The following KCNQ5 variants were observed in gnomAD, a reference collection of about 807,000 sequenced individuals.
KCNQ5 encodes potassium voltage-gated channel subfamily KQT member 5.
Under a neutral mutation model 98.2 loss-of-function variants are expected in KCNQ5, and 30 were observed. The observed-to-expected ratio is 0.31, with a 90% CI of 0.23 to 0.41. The LOEUF is 0.41. Ranked by LOEUF, KCNQ5 falls within the 10% of genes least tolerant of loss-of-function variation. KCNQ5 has a pLI of 1.00. For synonymous variants in KCNQ5, 458 were observed against 449.4 expected, an observed-to-expected ratio of 1.02 and a Z score of -0.24; for missense variants, 835 against 1,182.5, an observed-to-expected ratio of 0.71 and a Z score of 4.31.
intron 1 of KCNQ5, among the ~76,000 whole-genome samples, chr6:72,699,433 G>A (rs370565296): frequency 7.9e-5 from 12 of 152,122 alleles, no homozygotes; most frequent in African/African-American, 2.9e-4. Flanking sequence ...TTTTTTATTT[G>A]TATCAGCTGA....
chr6:72,772,358 A>G (rs1380211755), intron 1 of KCNQ5, among the ~76,000 whole-genome samples: 1 of 152,160 alleles, frequency 6.6e-6, no homozygotes, highest in Non-Finnish European at 1.5e-5. Context: ...CTAATTGTTG[A>G]AAAGAATGAT....
At chr6:72,668,592 G>A (rs893847581) in intron 1 of KCNQ5, among the ~76,000 whole-genome samples, 1 of 151,972 alleles carries the variant, frequency 6.6e-6, no homozygotes. Flanking sequence ...TTCATTAGTA[G>A]ATGTCTTGGT....
At chr6:73,040,030 A>G (rs1355153568) in intron 2 of KCNQ5, among the ~76,000 whole-genome samples, 1 of 152,022 alleles carries the variant, frequency 6.6e-6, no homozygotes, top group Non-Finnish European at 1.5e-5. Context: ...CCTTCTTAAA[A>G]AAAAAAGCAG....
intron 1 of KCNQ5, among the ~76,000 whole-genome samples, chr6:72,781,788 C>CT (rs1477172849): frequency 6.6e-6 from 1 of 151,874 alleles, no homozygotes; most frequent in African/African-American, 2.4e-5. Flanking sequence ...TTCAACTTGA[C>CT]TTTTGTACTG....
chr6:73,101,334 C>T (rs1275049948), intron 5 of KCNQ5, among the ~76,000 whole-genome samples: 1 of 151,612 alleles, frequency 6.6e-6, no homozygotes, highest in African/African-American at 2.4e-5. Context: ...ATGGTTCCTC[C>T]TATATTTAGA....
intron 3 of KCNQ5, among the ~76,000 whole-genome samples, chr6:73,076,891 T>A (rs1254356619): frequency 1.3e-5 from 2 of 152,172 alleles, no homozygotes; most frequent in East Asian, 1.9e-4. Context: ...CATGCCTCTG[T>A]CACATCACCC....
chr6:73,099,565 G>A (rs1774673024), intron 5 of KCNQ5, among the ~76,000 whole-genome samples: 1 of 151,924 alleles, frequency 6.6e-6, no homozygotes, highest in Non-Finnish European at 1.5e-5. Context: ...CAAGACAAAA[G>A]CTATCAAAAG....
Position 72,987,061 on chromosome 6 carries a change from G to C in KCNQ5, c.399-16847G>C, listed in dbSNP as rs9446805. On this transcript the variant is annotated intron_variant, in intron 1 of 13. Coordinates refer to ENST00000370398, the MANE Select transcript of KCNQ5 (RefSeq NM_019842.4). ...TCCAAGCCCTTCAGGTCCATGGAGAGCAGCCCTAGGAAAGGAAGTAAAACG... is the reference window on the plus strand; with the variant it reads ...TCCAAGCCCTTCAGGTCCATGGAGACCAGCCCTAGGAAAGGAAGTAAAACG... 11,795 of 714,326 alleles carry C rather than the reference G, an allele frequency of 0.017. 1,016 individuals carry two copies. In the African/African-American group the frequency reaches 0.19, roughly 11 times the overall value. 44.2% of individuals were successfully genotyped at this position (714,326 alleles called of 1,614,324 possible).
At chr6:73,093,958 G>T (rs1258584332) in intron 5 of KCNQ5, among the ~76,000 whole-genome samples, 3 of 152,070 alleles carry the variant, frequency 2.0e-5, no homozygotes, top group Non-Finnish European at 4.4e-5. Context: ...TTGTTTCATT[G>T]TTGACCTTCA....
At chr6:73,026,566 T>A (rs952064436) in intron 2 of KCNQ5, among the ~76,000 whole-genome samples, 6 of 152,196 alleles carry the variant, frequency 3.9e-5, no homozygotes, top group African/African-American at 1.4e-4. Context: ...TATCTTCCAA[T>A]GCTCTATCTT....
In KCNQ5 at chr6:72,919,133, C is replaced by T. The variant is rs926504918; in HGVS notation, c.399-84775C>T. ...TGGCTTTTTCCCAAAATGACTTGAT[C>T]GTTCATGGCCAACCAATGGACGAGG... On this transcript the variant is annotated intron_variant, in intron 1 of 13. Transcript: ENST00000370398. 5.3e-5 allele frequency among the ~76,000 whole-genome samples: 8 copies of T among 152,132 alleles called. No individual in the cohort carries two copies. In the South Asian group the frequency reaches 6.2e-4, roughly 12 times the overall value.
chr6:73,072,779 A>G (rs986248495), intron 3 of KCNQ5, among the ~76,000 whole-genome samples: 1 of 152,152 alleles, frequency 6.6e-6, no homozygotes, highest in South Asian at 2.1e-4. Context: ...TTGTAAACCT[A>G]TATTTCACAT....
At chr6:72,665,336 C>A (rs115295074) in intron 1 of KCNQ5, among the ~76,000 whole-genome samples, 1,930 of 108,874 alleles carry the variant, frequency 0.018, 32 homozygotes, top group African/African-American at 0.047. Context: ...AGAGTAATAC[C>A]CTGTCAAAAA....
At chr6:72,631,294 A>G (rs977118582) in intron 1 of KCNQ5, among the ~76,000 whole-genome samples, 6 of 152,240 alleles carry the variant, frequency 3.9e-5, no homozygotes, top group Admixed American at 3.9e-4. Context: ...TTTAAAAGAC[A>G]TAAAATACAG....
chr6:72,646,195 C>T (rs754443533), intron 1 of KCNQ5, among the ~76,000 whole-genome samples: 86 of 152,214 alleles, frequency 5.6e-4, no homozygotes, highest in Non-Finnish European at 1.1e-3. Context: ...CATCATACTA[C>T]ATCTTCTCAA....
At chr6:73,072,683 T>A (rs1484356547) in intron 3 of KCNQ5, among the ~76,000 whole-genome samples, 1 of 152,224 alleles carries the variant, frequency 6.6e-6, no homozygotes, top group African/African-American at 2.4e-5. Flanking sequence ...TTTGTTCAAA[T>A]CTTTGCAGTC....
chr6:73,089,735 T>C (rs918056580), intron 5 of KCNQ5, among the ~76,000 whole-genome samples: 2 of 151,876 alleles, frequency 1.3e-5, no homozygotes, highest in Non-Finnish European at 2.9e-5. Flanking sequence ...GCAAATGCCA[T>C]TAATTCATTC....
chr6:73,041,703 G>A (rs572879449), intron 2 of KCNQ5, among the ~76,000 whole-genome samples: 135 of 152,086 alleles, frequency 8.9e-4, no homozygotes, highest in Non-Finnish European at 1.6e-3. Flanking sequence ...AATTTACGAA[G>A]CATTAATGAC....
chr6:73,182,387 G>A (rs564666196), intron 11 of KCNQ5, among the ~76,000 whole-genome samples: 24 of 152,186 alleles, frequency 1.6e-4, no homozygotes, highest in Non-Finnish European at 2.1e-4. Context: ...ACTCTGAGTC[G>A]CTCTGGGCTT....
Sources: allele counts gnomAD v4.1 joint callset (sites outside exome capture counted in the v4.1 genomes callset), GRCh38; gene constraint gnomAD v4.1.1; transcripts MANE v1.5; gene names NCBI Gene and HGNC (gene_info 2026-07-23, HGNC 2026-07-21).